SCTR: variants seen among roughly 807,000 people sequenced by gnomAD.
SCTR encodes the protein pancreatic secretin receptor.
A neutral mutation model predicts 60.8 loss-of-function variants in SCTR; 56 were observed. That is an observed-to-expected ratio of 0.92 (90% confidence interval 0.74 to 1.15). The LOEUF (loss-of-function observed/expected upper bound fraction) is 1.15, where lower values mean the gene tolerates loss of function less well. SCTR is among the 50% of genes most tolerant of loss of function. SCTR has a pLI of 0.00. For missense variants in SCTR, 562 were observed against 550.4 expected (o/e 1.02, Z -0.21); for synonymous variants, 202 against 217.0 (o/e 0.93, Z 0.61).
intron 1 of SCTR, among the ~76,000 whole-genome samples, chr2:119,507,223 A>G (rs1488029970): frequency 6.6e-6 from 1 of 152,262 alleles, no homozygotes; most frequent in Non-Finnish European, 1.5e-5. Flanking sequence ...GTTTAGCAGT[A>G]CAGACTATCA....
At chr2:119,447,671 A>C (rs12618465) in intron 10 of SCTR, among the ~76,000 whole-genome samples, 20,165 of 152,158 alleles carry the variant, frequency 0.13, 1,702 homozygotes, top group East Asian at 0.31. Flanking sequence ...TCCCAGGTTC[A>C]AGTGATTCTC....
chr2:119,522,528 A>G (rs1679321376), intron 1 of SCTR, among the ~76,000 whole-genome samples: 1 of 152,198 alleles, frequency 6.6e-6, no homozygotes, highest in Admixed American at 6.5e-5. Context: ...GATTGGGACC[A>G]TAGCATAATG....
intron 7 of SCTR, among the ~76,000 whole-genome samples, chr2:119,455,096 C>G (rs1683323140): frequency 6.6e-6 from 1 of 152,004 alleles, no homozygotes; most frequent in Admixed American, 6.6e-5. Context: ...CGTGCTCAAG[C>G]TGAATGGTAA....
At chr2:119,512,340 C>CCCTTCTCCTTCTCCTTCT (rs58262510) in intron 1 of SCTR, among the ~76,000 whole-genome samples, 2 of 55,098 alleles carry the variant, frequency 3.6e-5, no homozygotes, top group Admixed American at 2.2e-4. Context: ...CTTCCCCTTC[C>CCCTTCTCCTTCTCCTTCT]CCTTCTCCTT....
At chr2:119,496,620 C>T (rs1678357401) in intron 1 of SCTR, among the ~76,000 whole-genome samples, 1 of 152,126 alleles carries the variant, frequency 6.6e-6, no homozygotes, top group Non-Finnish European at 1.5e-5. Flanking sequence ...AAGAATGACC[C>T]AGTGGTGAGT....
intron 10 of SCTR, among the ~76,000 whole-genome samples, chr2:119,447,191 T>C (rs1464570639): frequency 6.6e-6 from 1 of 152,028 alleles, no homozygotes; most frequent in African/African-American, 2.4e-5. Context: ...CGTGCCTATA[T>C]CACTGCTGCT....
chr2:119,440,911 C>T (rs1430074528), intron 12 of SCTR, among the ~76,000 whole-genome samples: 1 of 152,212 alleles, frequency 6.6e-6, no homozygotes, highest in Non-Finnish European at 1.5e-5. Flanking sequence ...TCAAAGATCA[C>T]TCCCATTCAA....
intron 1 of SCTR, among the ~76,000 whole-genome samples, chr2:119,499,510 A>G (rs1265046080): frequency 6.6e-6 from 1 of 152,102 alleles, no homozygotes; most frequent in Non-Finnish European, 1.5e-5. Flanking sequence ...GAAATCATAT[A>G]CAATGTGTTC....
At chr2:119,472,202 A>G (rs1677050967) in intron 4 of SCTR, among the ~76,000 whole-genome samples, 1 of 152,188 alleles carries the variant, frequency 6.6e-6, no homozygotes, top group Non-Finnish European at 1.5e-5. Context: ...TGATCATTTT[A>G]ATGTAACATG....
chr2:119,441,439 G>C, intron 12 of SCTR, 119 bp downstream of exon 12: 1 of 774,600 alleles, frequency 1.3e-6, no homozygotes, highest in Admixed American at 2.1e-5. Flanking sequence ...ACCAGACCCA[G>C]GACTCCCTCT....
intron 7 of SCTR, among the ~76,000 whole-genome samples, chr2:119,455,188 C>T (rs1390649239): frequency 2.6e-5 from 4 of 152,206 alleles, no homozygotes; most frequent in Non-Finnish European, 5.9e-5. Flanking sequence ...TACCCTCTGC[C>T]CACCTCCCTG....
intron 2 of SCTR, 174 bp from the exon 3 acceptor site, chr2:119,479,092 T>C (rs1267070359): frequency 9.7e-6 from 14 of 1,436,674 alleles, no homozygotes; most frequent in Non-Finnish European, 1.3e-5. Flanking sequence ...TAATGCACCC[T>C]TGGACTCTGC....
At chr2:119,470,626 A>G (rs1017941616) in intron 4 of SCTR, among the ~76,000 whole-genome samples, 3 of 152,196 alleles carry the variant, frequency 2.0e-5, no homozygotes, top group African/African-American at 7.2e-5. Context: ...TAATCTTGGC[A>G]TGAACGTTGT....
At chr2:119,484,969 T>C (rs1233684643) in intron 2 of SCTR, among the ~76,000 whole-genome samples, 1 of 152,014 alleles carries the variant, frequency 6.6e-6, no homozygotes, top group Non-Finnish European at 1.5e-5. Context: ...GAAACAGCTG[T>C]GGGGGCAGGT....
At chr2:119,515,229 G>A (rs1274040714) in intron 1 of SCTR, among the ~76,000 whole-genome samples, 1 of 152,236 alleles carries the variant, frequency 6.6e-6, no homozygotes, top group Non-Finnish European at 1.5e-5. Context: ...TGTAAGTGCT[G>A]TGAGGAATTT....
intron 6 of SCTR, among the ~76,000 whole-genome samples, chr2:119,463,768 C>T (rs979112304): frequency 6.6e-6 from 1 of 152,084 alleles, no homozygotes; most frequent in Non-Finnish European, 1.5e-5. Context: ...TATGACCAAC[C>T]CCCACCCTCT....
rs148028696 is a variant in SCTR, at chr2:119,442,168, T to C, written c.1141-569A>G. Reference sequence around the variant, plus strand: ...GTGCACCTCCGTGCTCAGAGTTTTATGTTCCCTGGTGTGGCAAGGTCTGTG... The same window carrying C: ...GTGCACCTCCGTGCTCAGAGTTTTACGTTCCCTGGTGTGGCAAGGTCTGTG... On this transcript the variant is annotated intron_variant, in intron 11 of 12. Coordinates refer to ENST00000019103, the MANE Select transcript of SCTR (RefSeq NM_002980.3). Among the ~76,000 whole-genome samples the C allele has an allele frequency of 5.3e-5, 8 of 152,330 alleles. No homozygotes were observed. In the East Asian group the frequency reaches 1.5e-3, roughly 29 times the overall value.
At chr2:119,500,725 G>A (rs1409905185) in intron 1 of SCTR, among the ~76,000 whole-genome samples, 1 of 152,230 alleles carries the variant, frequency 6.6e-6, no homozygotes, top group African/African-American at 2.4e-5. Context: ...AGGCTGGGAA[G>A]GGTAGGGGAG....
intron 1 of SCTR, among the ~76,000 whole-genome samples, chr2:119,494,963 C>T (rs1051008965): frequency 6.6e-6 from 1 of 152,074 alleles, no homozygotes; most frequent in Non-Finnish European, 1.5e-5. Flanking sequence ...GAGACAGGGT[C>T]GTTCTCTGTC....
Sources: gnomAD v4.1 joint callset for allele counts (sites outside exome capture counted in the v4.1 genomes callset) on GRCh38, gnomAD v4.1.1 for gene constraint, MANE v1.5 for transcripts, NCBI Gene and HGNC (gene_info 2026-07-23, HGNC 2026-07-21) for gene names.